Variants in ATP11B observed in about 807,000 individuals in gnomAD.
ATP11B encodes the protein ATPase phospholipid transporting 11B (putative).
ATP11B carries 81 observed loss-of-function variants against 157.8 expected under a neutral mutation model. That is an observed-to-expected ratio of 0.51 (90% CI 0.43 to 0.62). The LOEUF is 0.62. ATP11B is among the 20% of genes least tolerant of loss of function. The probability of loss-of-function intolerance (pLI) is 0.00; values close to 1 mark genes in which losing one functional copy is unlikely to be tolerated. For missense variants in ATP11B, 1,165 were observed against 1,402.2 expected (o/e 0.83, Z 2.70); for synonymous variants, 451 against 469.4 (o/e 0.96, Z 0.51).
chr3:182,825,204 G>A (rs1717635789), intron 2 of ATP11B, among the ~76,000 whole-genome samples: 1 of 152,126 alleles, frequency 6.6e-6, no homozygotes, highest in African/African-American at 2.4e-5. Context: ...TTTTCAGCCT[G>A]TTGAATGTTC....
Position 182,896,747 on chromosome 3 carries a change from T to C in ATP11B, c.3030T>C (p.Val1010=). ...TFGTLVFTVM[V]ITVTVKMALE... is the part of the protein sequence containing the mutation. ...GCACTTTGGTCTTCACAGTCATGGT[T>C]ATTACAGTCACAGTAAAGGTATGGT... The change falls in exon 26 of 30, where the codon GTT becomes GTC. Residue 1010 remains valine, a synonymous_variant. Transcript: ENST00000323116. The C allele has an allele frequency of 6.2e-7, 1 of 1,613,188 alleles. No individual in the cohort carries two copies. The highest frequency in any genetic ancestry group is 8.5e-7 in the Non-Finnish European group (1 of 1,179,336).
At chr3:182,835,692 ATTTAT>A (rs796351507) in intron 4 of ATP11B, among the ~76,000 whole-genome samples, 136 of 149,072 alleles carry the variant, frequency 9.1e-4, no homozygotes, top group African/African-American at 3.3e-3. Context: ...TTACCAGCAT[ATTTAT>A]ACTATTTGAA....
intron 4 of ATP11B, among the ~76,000 whole-genome samples, chr3:182,832,554 CCTTT>C (rs903196497): frequency 6.6e-6 from 1 of 152,148 alleles, no homozygotes; most frequent in Non-Finnish European, 1.5e-5. Flanking sequence ...CATGTTCCAA[CCTTT>C]CTTTCTTGTC....
chr3:182,799,865 G>A (rs1017676930), intron 1 of ATP11B, among the ~76,000 whole-genome samples: 3 of 152,034 alleles, frequency 2.0e-5, no homozygotes, highest in African/African-American at 7.2e-5. Context: ...TGTAACCTCG[G>A]CACTTTGGGA....
rs138169953 is a variant in ATP11B at position 182,852,757 on chromosome 3, G to T, written c.851+4200G>T. Among the ~76,000 whole-genome samples, 412 of 152,246 alleles carry T rather than the reference G, an allele frequency of 2.7e-3. 3 individuals carry two copies. The highest frequency in any genetic ancestry group is 9.6e-3 in the African/African-American group (400 of 41,534). The stretch of plus-strand genomic sequence containing the variant: ...ATAATAACTAAATCTGTAAAACATG[G>T]GAGAAAATCTTTGTGACTTTGGGTT... On this transcript the variant is annotated intron_variant, in intron 10 of 29. Coordinates refer to ENST00000323116, the MANE Select transcript of ATP11B (RefSeq NM_014616.3).
chr3:182,870,601 G>A (rs1255331321), intron 17 of ATP11B, among the ~76,000 whole-genome samples: 1 of 152,182 alleles, frequency 6.6e-6, no homozygotes. Flanking sequence ...ATAACAGATG[G>A]TTTTTTAACT....
Position 182,845,446 on chromosome 3 carries a change from T to G in ATP11B, c.705-12T>G. 6.3e-7 allele frequency: 1 copy of G among 1,586,498 alleles called. No individual in the cohort carries two copies. Among genetic ancestry groups the G allele is most frequent in the Non-Finnish European group, 8.5e-7 (1 of 1,172,008 alleles). On this transcript the variant is annotated splice_polypyrimidine_tract_variant and intron_variant, in intron 8 of 29. Coordinates refer to ENST00000323116, the MANE Select transcript of ATP11B (RefSeq NM_014616.3). The stretch of plus-strand genomic sequence containing the variant: ...TATTCAGTGCTTTATGGTTATTTTC[T>G]TTTTTTCCTAGACCTCTGGGGCCGG...
chr3:182,884,672 T>A, intron 21 of ATP11B, 81 bp from the exon 22 acceptor site: 1 of 1,380,666 alleles, frequency 7.2e-7, no homozygotes, highest in Non-Finnish European at 9.9e-7. Context: ...GTTCAACTAT[T>A]ATAAATAATT....
At chr3:182,858,910 G>A (rs533123036) in intron 11 of ATP11B, among the ~76,000 whole-genome samples, 22 of 152,206 alleles carry the variant, frequency 1.4e-4, no homozygotes, top group Non-Finnish European at 2.4e-4. Context: ...TGAAAGTAAC[G>A]AATTAAGTTA....
At chr3:182,913,165 T>C (rs1724911737) in intron 28 of ATP11B, among the ~76,000 whole-genome samples, 2 of 152,328 alleles carry the variant, frequency 1.3e-5, no homozygotes, top group Admixed American at 1.3e-4. Context: ...TAAATTTTAA[T>C]TTATTAAACT....
intron 24 of ATP11B, among the ~76,000 whole-genome samples, chr3:182,888,133 T>G (rs1290140120): frequency 2.6e-5 from 4 of 152,216 alleles, no homozygotes; most frequent in African/African-American, 9.6e-5. Flanking sequence ...GATTCTCTGC[T>G]TTATTCCTGC....
Position 182,913,987 on chromosome 3 carries a change from A to G in ATP11B, c.3445A>G (p.Ile1149Val). 3.7e-6 allele frequency: 6 copies of G among 1,613,896 alleles called. No homozygotes were observed. Among genetic ancestry groups the G allele is most frequent in the Non-Finnish European group, 5.1e-6 (6 of 1,179,856 alleles). Reference protein sequence around the residue: ...RVIGRCSPTHISRSWSASDPF... With the variant: ...RVIGRCSPTHVSRSWSASDPF... ...TATAGGAAGATGTAGTCCAACCCAC[A>G]TCAGCAGGTGTGAAATCTCTCTAAG... Residue 1149 changes from isoleucine (I) to valine (V), a missense_variant, in exon 29 of 30, where the codon ATC becomes GTC. Transcript: ENST00000323116.
At chr3:182,907,770 T>A (rs1270581095) in intron 28 of ATP11B, among the ~76,000 whole-genome samples, 1 of 152,240 alleles carries the variant, frequency 6.6e-6, no homozygotes, top group African/African-American at 2.4e-5. Flanking sequence ...AATTGTGTCC[T>A]CTGTAATAAA....
chr3:182,869,189 A>G, intron 16 of ATP11B, 38 bp downstream of exon 16: 1 of 1,597,162 alleles, frequency 6.3e-7, no homozygotes, highest in Non-Finnish European at 8.6e-7. Context: ...TTATTTATGT[A>G]ATATTAAGAG....
At chr3:182,855,865 T>C (rs890999112) in intron 10 of ATP11B, among the ~76,000 whole-genome samples, 11 of 152,112 alleles carry the variant, frequency 7.2e-5, no homozygotes, top group African/African-American at 2.7e-4. Flanking sequence ...CCCATTAGAA[T>C]AGTTAAAATA....
intron 1 of ATP11B, among the ~76,000 whole-genome samples, chr3:182,801,309 G>A (rs149015716): frequency 6.6e-6 from 1 of 152,308 alleles, no homozygotes; most frequent in East Asian, 1.9e-4. Flanking sequence ...AGGAAGAATA[G>A]GATGATATGC....
At chr3:182,903,561 A>G (rs1261206744) in intron 28 of ATP11B, among the ~76,000 whole-genome samples, 1 of 152,148 alleles carries the variant, frequency 6.6e-6, no homozygotes, top group African/African-American at 2.4e-5. Context: ...CTTCAACTTT[A>G]AAAAATATTC....
At position 182,848,534 on chromosome 3, in the gene ATP11B, A is replaced by G. The variant is rs1219374396; in HGVS notation, c.828A>G (p.Ser276=). The G allele has an allele frequency of 2.6e-6, 4 of 1,568,542 alleles. No homozygotes were observed. In the Admixed American group the frequency reaches 5.3e-5, roughly 21 times the overall value. The change falls in exon 10 of 30, where the codon TCA becomes TCG. Residue 276 remains serine (S), a synonymous_variant. Transcript: ENST00000323116. ...TKMALNYKSK[S]QKRSAVEKSM... is the part of the protein sequence containing the mutation. ...TGGCATTAAATTACAAGAGCAAATC[A>G]CAGAAACGATCTGCAGTAGAAAAGT...
At chr3:182,818,632 A>G (rs533172838) in intron 1 of ATP11B, among the ~76,000 whole-genome samples, 57 of 152,200 alleles carry the variant, frequency 3.7e-4, no homozygotes, top group Non-Finnish European at 6.8e-4. Context: ...CAAGAATAAT[A>G]ACAGTTGAAT....
Sources: allele counts gnomAD v4.1 joint callset (sites outside exome capture counted in the v4.1 genomes callset), GRCh38; gene constraint gnomAD v4.1.1; transcripts MANE v1.5; gene names NCBI Gene and HGNC (gene_info 2026-07-23, HGNC 2026-07-21).